Variants in OR4M1 observed in about 807,000 individuals in gnomAD.
The protein encoded by OR4M1 is olfactory receptor family 4 subfamily M member 1, also known as olfactory receptor 4M1.
In OR4M1, 7 loss-of-function variants were observed where a neutral mutation model predicts 9.8. The observed-to-expected ratio is 0.71, with a 90% CI of 0.41 to 1.34. OR4M1 has a LOEUF of 1.34. Among genes scored for constraint, OR4M1 ranks in the 40% most tolerant of loss-of-function variants. The probability of loss-of-function intolerance (pLI) is 0.01; values close to 1 mark genes in which losing one functional copy is unlikely to be tolerated. For synonymous variants in OR4M1, 121 were observed against 139.8 expected (o/e 0.87, Z 0.95); for missense variants, 331 against 380.4 (o/e 0.87, Z 1.08).
chr14:19,780,079 C>G (rs1878422149), intron 1 of OR4M1, among the ~76,000 whole-genome samples: 1 of 152,214 alleles, frequency 6.6e-6, no homozygotes, highest in Non-Finnish European at 1.5e-5. Context: ...ATTTGAGTTT[C>G]AAATATATGC....
rs929588869 is a variant in OR4M1 at position 19,782,456 on chromosome 14, T to C, written c.*1192T>C. On this transcript the variant is annotated 3_prime_UTR_variant, in exon 2 of 2. Transcript: ENST00000641200. The stretch of plus-strand genomic sequence containing the variant: ...AAGCTTTAGTCTTCTTTTTTAAATT[T>C]GATAATGTAATATGGACTAAATTTT... The C allele has an allele frequency of 4.6e-4, 70 of 152,376 alleles. No individual in the cohort carries two copies. The highest frequency in any genetic ancestry group is 1.5e-3 in the African/African-American group (63 of 41,592). The allele number at this position is 152,376 out of a possible 1,614,324, so 9.4% of individuals were successfully genotyped here.
intron 1 of OR4M1, among the ~76,000 whole-genome samples, chr14:19,775,711 AT>A (rs1253885118): frequency 3.4e-5 from 5 of 147,462 alleles, no homozygotes; most frequent in Admixed American, 6.8e-5. Context: ...TATATAAAAT[AT>A]TTTAATATAC....
chr14:19,779,863 G>A (rs1878414879), intron 1 of OR4M1, among the ~76,000 whole-genome samples: 1 of 152,220 alleles, frequency 6.6e-6, no homozygotes, highest in African/African-American at 2.4e-5. Flanking sequence ...CTATTAGAAT[G>A]CAAGCCTAAG....
At chr14:19,779,600 T>C (rs1389950014) in intron 1 of OR4M1, among the ~76,000 whole-genome samples, 2 of 152,244 alleles carry the variant, frequency 1.3e-5, no homozygotes, top group Non-Finnish European at 2.9e-5. Flanking sequence ...CTACACCTAC[T>C]TAAGTTCCTG....
At position 19,782,862 on chromosome 14, in the gene OR4M1, T is replaced by TATAC. The variant is rs1303470676; in HGVS notation, c.*1601_*1602insCATA. 6.6e-6 allele frequency: 1 copy of TATAC among 152,022 alleles called. No homozygotes were observed. Among genetic ancestry groups the TATAC allele is most frequent in the Non-Finnish European group, 1.5e-5 (1 of 67,972 alleles). 9.4% of individuals were successfully genotyped at this position (152,022 alleles called of 1,614,324 possible). The stretch of plus-strand genomic sequence containing the variant: ...AAAAATATAAAGTACAAAAGATATA[T>TATAC]ATATATAATATGATAAAATGATGAG... On this transcript the variant is annotated 3_prime_UTR_variant, in exon 2 of 2. Coordinates refer to ENST00000641200, the MANE Select transcript of OR4M1 (RefSeq NM_001005500.2).
chr14:19,776,359 T>C (rs1227760242), intron 1 of OR4M1, among the ~76,000 whole-genome samples: 1 of 152,216 alleles, frequency 6.6e-6, no homozygotes, highest in Non-Finnish European at 1.5e-5. Flanking sequence ...CCCCAAAGCA[T>C]TGCTTCTCTT....
chr14:19,773,677 G>T (rs1375074470), intron 1 of OR4M1, 84 bp downstream of exon 1: 2 of 152,558 alleles, frequency 1.3e-5, no homozygotes, highest in East Asian at 3.9e-4. Flanking sequence ...GAATAACTAT[G>T]TAAAATGCTC....
In OR4M1 at chr14:19,780,950, T is replaced by C. The variant is rs557109490; in HGVS notation, c.628T>C (p.Cys210Arg). The C allele has an allele frequency of 6.2e-7, 1 of 1,614,210 alleles. No homozygotes were observed. Among genetic ancestry groups the C allele is most frequent in the East Asian group, 2.2e-5 (1 of 44,884 alleles). Residue 210 changes from cysteine to arginine, a missense_variant, in exon 2 of 2, where the codon TGT (cysteine) becomes CGT (arginine). Cys to Arg is a radical substitution (Grantham distance 180, BLOSUM62 -3). Around this residue, in one of 2 missense-constraint regions of OR4M1, gnomAD observed 122 missense variants for 180.5 expected, o/e 0.68. Coordinates refer to ENST00000641200, the MANE Select transcript of OR4M1 (RefSeq NM_001005500.2). The part of the protein sequence containing the change: ...ICSSGLISVV[C>R]FIALLMSYAF... ...TAGTAGTGGTCTGATCTCTGTGGTG[T>C]GTTTCATTGCTCTGTTAATGTCCTA...
At chr14:19,776,637 T>C (rs1878316909) in intron 1 of OR4M1, among the ~76,000 whole-genome samples, 1 of 152,130 alleles carries the variant, frequency 6.6e-6, no homozygotes, top group Non-Finnish European at 1.5e-5. Flanking sequence ...TAGAAAAAAA[T>C]GCCCTAAGTC....
chr14:19,775,150 T>C (rs976653244), intron 1 of OR4M1, among the ~76,000 whole-genome samples: 4 of 152,218 alleles, frequency 2.6e-5, no homozygotes, highest in Non-Finnish European at 5.9e-5. Context: ...TCCCTCTTTT[T>C]TTGTGGTTTT....
At chr14:19,777,233 T>G (rs1234805984) in intron 1 of OR4M1, among the ~76,000 whole-genome samples, 1 of 146,786 alleles carries the variant, frequency 6.8e-6, no homozygotes, top group African/African-American at 2.4e-5. Context: ...TTTGACTAAC[T>G]CTTTATTTTG....
chr14:19,779,131 G>T (rs537128940), intron 1 of OR4M1, among the ~76,000 whole-genome samples: 1 of 152,334 alleles, frequency 6.6e-6, no homozygotes, highest in East Asian at 1.9e-4. Flanking sequence ...TATAAATTGA[G>T]TCAGTAGGTT....
intron 1 of OR4M1, among the ~76,000 whole-genome samples, chr14:19,774,624 C>T (rs1386606873): frequency 3.9e-5 from 6 of 152,136 alleles, no homozygotes; most frequent in Admixed American, 6.6e-5. Context: ...CTTATATATA[C>T]AAAACTCATA....
In OR4M1 at chr14:19,780,436, C is replaced by G. The variant is rs146916137; in HGVS notation, c.114C>G (p.Ile38Met). 6.2e-7 allele frequency: 1 copy of G among 1,613,632 alleles called. No individual in the cohort carries two copies. Among genetic ancestry groups the G allele is most frequent in the East Asian group, 2.3e-5 (1 of 44,412 alleles). Reference sequence around the variant, plus strand: ...TATTTCTATCCTTCTATTTGTTCATCCTACCAGGAAATATCCTTATCATTT... The same window carrying G: ...TATTTCTATCCTTCTATTTGTTCATGCTACCAGGAAATATCCTTATCATTT... Reference protein sequence around the residue: ...FVIFLSFYLFILPGNILIICT... With the variant: ...FVIFLSFYLFMLPGNILIICT... Residue 38 changes from isoleucine (I) to methionine (M), a missense_variant, in exon 2 of 2, where the codon ATC (isoleucine) becomes ATG (methionine). Coordinates refer to ENST00000641200, the MANE Select transcript of OR4M1 (RefSeq NM_001005500.2).
chr14:19,782,463 G>A lies in OR4M1; in HGVS notation c.*1199G>A, dbSNP rs1212364022. 6.6e-6 allele frequency: 1 copy of A among 152,204 alleles called. No homozygotes were observed. 9.4% of individuals were successfully genotyped at this position (152,204 alleles called of 1,614,324 possible). A position where few individuals can be genotyped will look rare whatever the true frequency, so the allele number is the denominator to read the frequency against. ...AGTCTTCTTTTTTAAATTTGATAATGTAATATGGACTAAATTTTAAGTGAA... is the reference window on the plus strand; with the variant it reads ...AGTCTTCTTTTTTAAATTTGATAATATAATATGGACTAAATTTTAAGTGAA... On this transcript the variant is annotated 3_prime_UTR_variant, in exon 2 of 2. Transcript: ENST00000641200.
At chr14:19,774,133 G>A (rs901942153) in intron 1 of OR4M1, among the ~76,000 whole-genome samples, 2 of 152,292 alleles carry the variant, frequency 1.3e-5, no homozygotes, top group South Asian at 2.1e-4. Context: ...AGTAGTAAAA[G>A]CTTTGAAAAT....
intron 1 of OR4M1, among the ~76,000 whole-genome samples, chr14:19,777,713 A>G (rs1445891006): frequency 4.2e-4 from 64 of 152,324 alleles, no homozygotes; most frequent in African/African-American, 1.3e-3. Flanking sequence ...TTAGGAATAG[A>G]CTTTTTAATA....
At chr14:19,779,043 A>G (rs1878389408) in intron 1 of OR4M1, among the ~76,000 whole-genome samples, 1 of 152,188 alleles carries the variant, frequency 6.6e-6, no homozygotes, top group South Asian at 2.1e-4. Context: ...GTCTGCTTGT[A>G]GTAAGCCATC....
chr14:19,776,943 C>T (rs1167329593), intron 1 of OR4M1, among the ~76,000 whole-genome samples: 1 of 147,630 alleles, frequency 6.8e-6, no homozygotes, highest in Admixed American at 6.8e-5. Flanking sequence ...CCAGTTGCAT[C>T]TCCTAAATAT....
Sources: gnomAD v4.1 joint callset for allele counts (sites outside exome capture counted in the v4.1 genomes callset) on GRCh38, gnomAD v4.1.1 for gene constraint, gnomAD v4.1.1 regional missense constraint, MANE v1.5 for transcripts, NCBI Gene and HGNC (gene_info 2026-07-23, HGNC 2026-07-21) for gene names.